Variants in PCDHA9 observed in about 807,000 individuals in gnomAD.
PCDHA9 encodes protocadherin alpha 9.
In PCDHA9, 62 loss-of-function variants were observed where a neutral mutation model predicts 62.0. That is an observed-to-expected ratio of 1.00 (90% CI 0.81 to 1.23). The LOEUF (loss-of-function observed/expected upper bound fraction) is 1.23. PCDHA9 is among the 50% of genes most tolerant of loss of function. The pLI is 0.00. For synonymous variants in PCDHA9, 557 were observed against 567.6 expected, an observed-to-expected ratio of 0.98 and a Z score of 0.27; for missense variants, 1,205 against 1,249.8, an observed-to-expected ratio of 0.96 and a Z score of 0.54.
chr5:140,980,229 T>C (rs2096881022), intron 2 of PCDHA9, among the ~76,000 whole-genome samples: 1 of 152,232 alleles, frequency 6.6e-6, no homozygotes, highest in South Asian at 2.1e-4. Flanking sequence ...TCTGAGCTGT[T>C]GGTGGAGACA....
chr5:141,007,349 G>C (rs532404832), intron 3 of PCDHA9, among the ~76,000 whole-genome samples: 204 of 144,744 alleles, frequency 1.4e-3, no homozygotes, highest in Middle Eastern at 0.011. Flanking sequence ...TCAGGAGTTC[G>C]AGACCAGCCT....
At chr5:140,946,976 G>A (rs2094064804) in intron 1 of PCDHA9, among the ~76,000 whole-genome samples, 1 of 151,532 alleles carries the variant, frequency 6.6e-6, no homozygotes, top group Admixed American at 6.6e-5. Context: ...ATAGAATAGA[G>A]GATTTTGAGT....
chr5:140,856,767 T>A, intron 1 of PCDHA9: 1 of 1,596,922 alleles, frequency 6.3e-7, no homozygotes, highest in Non-Finnish European at 8.6e-7. Context: ...AACGCCCCTA[T>A]CTTTGACAGA....
chr5:140,882,046 TACTTAC>T lies in PCDHA9; in HGVS notation c.2394+31166_2394+31171del, dbSNP rs2058922100. The T allele has an allele frequency of 1.6e-5, 12 of 728,060 alleles. No homozygotes were observed. In the South Asian group the frequency reaches 2.5e-4, roughly 15 times the overall value. 45.1% of individuals were successfully genotyped at this position (728,060 alleles called of 1,614,324 possible). ...AATGGAAAATATGAAGACTGAGTCA[TACTTAC>T]ACTTACACGTTCATGCGCATGGTGT... is the stretch of plus-strand genomic sequence containing the variant. On this transcript the variant is annotated intron_variant, in intron 1 of 3. Coordinates refer to ENST00000532602, the MANE Select transcript of PCDHA9 (RefSeq NM_031857.2).
At chr5:140,969,244 G>A (rs1345944804) in intron 1 of PCDHA9, 2 of 1,614,088 alleles carry the variant, frequency 1.2e-6, no homozygotes, top group Non-Finnish European at 1.7e-6. Flanking sequence ...AAGCAGCAGT[G>A]ACTGACAGCA....
intron 1 of PCDHA9, chr5:140,876,882 G>C: frequency 1.2e-6 from 2 of 1,614,140 alleles, no homozygotes; most frequent in Non-Finnish European, 1.7e-6. Context: ...ACAACCCGCC[G>C]GGCTGCCACA....
intron 1 of PCDHA9, chr5:140,969,102 T>C: frequency 1.2e-6 from 2 of 1,614,114 alleles, no homozygotes; most frequent in African/African-American, 1.3e-5. Flanking sequence ...CCTCACTTCA[T>C]TGAAGTTCGA....
chr5:140,875,356 G>A (rs2055432006), intron 1 of PCDHA9: 4 of 1,446,352 alleles, frequency 2.8e-6, no homozygotes, highest in East Asian at 2.5e-5. Context: ...TGACTGTGAT[G>A]CTGGAAAAAA....
intron 1 of PCDHA9, chr5:140,882,524 G>C (rs1340644606): frequency 9.9e-6 from 16 of 1,614,090 alleles, no homozygotes; most frequent in African/African-American, 2.7e-5. Context: ...CATTTTGTTT[G>C]TGAATTCTCG....
intron 1 of PCDHA9, among the ~76,000 whole-genome samples, chr5:140,953,068 C>A (rs1243228817): frequency 6.6e-6 from 1 of 152,198 alleles, no homozygotes; most frequent in East Asian, 1.9e-4. Context: ...CAGGCCCCAT[C>A]TCCAACATTG....
chr5:140,938,810 C>G (rs1182517488), intron 1 of PCDHA9, among the ~76,000 whole-genome samples: 1 of 152,030 alleles, frequency 6.6e-6, no homozygotes, highest in Non-Finnish European at 1.5e-5. Context: ...ACCACAAACC[C>G]CTGTGACATG....
At chr5:140,877,296 C>A (rs781799440) in intron 1 of PCDHA9, 2 of 1,613,942 alleles carry the variant, frequency 1.2e-6, no homozygotes, top group Non-Finnish European at 1.7e-6. Context: ...CTTGGCTGTC[C>A]TACGAGTTGC....
intron 3 of PCDHA9, 119 bp from the exon 4 acceptor site, chr5:141,009,508 C>T (rs923907688): frequency 6.7e-7 from 1 of 1,496,530 alleles, no homozygotes; most frequent in African/African-American, 1.4e-5. Flanking sequence ...GAACAAACAA[C>T]TCGTGATTTT....
intron 3 of PCDHA9, among the ~76,000 whole-genome samples, chr5:141,007,339 T>C (rs2098316015): frequency 6.9e-6 from 1 of 143,904 alleles, no homozygotes; most frequent in Non-Finnish European, 1.5e-5. Context: ...TTGCCTGAGC[T>C]CAGGAGTTCG....
intron 1 of PCDHA9, among the ~76,000 whole-genome samples, chr5:140,919,522 CT>C (rs1554199133): frequency 1.3e-5 from 2 of 152,000 alleles, no homozygotes; most frequent in Non-Finnish European, 2.9e-5. Flanking sequence ...TTTTAATTCT[CT>C]TTTTTTCCTA....
chr5:141,009,905 G>A lies in PCDHA9; in HGVS notation c.2821G>A (p.Gly941Arg), dbSNP rs781954349. The change falls in exon 4 of 4, where the codon GGG becomes AGG. Residue 941 changes from glycine (G) to arginine (R), a missense_variant. Physicochemically the swap from Gly to Arg is moderately radical, Grantham distance 125. Coordinates refer to ENST00000532602, the MANE Select transcript of PCDHA9 (RefSeq NM_031857.2). ...GNKTQEKKEK[G>R]NSTTDNSDQ Reference sequence around the variant, plus strand: ...CAAGACCCAGGAGAAAAAAGAGAAAGGGAACAGCACGACTGACAACAGTGA... The same window carrying A: ...CAAGACCCAGGAGAAAAAAGAGAAAAGGAACAGCACGACTGACAACAGTGA... 7.4e-6 allele frequency: 12 copies of A among 1,613,058 alleles called. No homozygotes were observed. Among genetic ancestry groups the A allele is most frequent in the Non-Finnish European group, 1.0e-5 (12 of 1,179,832 alleles).
chr5:141,009,449 A>T, intron 3 of PCDHA9, among the ~76,000 whole-genome samples, 178 bp from the exon 4 acceptor site: 1 of 152,184 alleles, frequency 6.6e-6, no homozygotes, highest in Non-Finnish European at 1.5e-5. Context: ...GTCTCAAAAA[A>T]ATTAAACAAA....
chr5:140,857,575 G>A (rs781888670), intron 1 of PCDHA9: 4 of 1,596,658 alleles, frequency 2.5e-6, no homozygotes, highest in East Asian at 4.5e-5. Context: ...ACGTGTCGGT[G>A]CACGCGGAGA....
At chr5:140,852,245 A>G (rs2042277804) in intron 1 of PCDHA9, 6 of 557,120 alleles carry the variant, frequency 1.1e-5, no homozygotes, top group Non-Finnish European at 1.4e-5. Flanking sequence ...CTTAAAACAC[A>G]CTTTTGGAAT....
Sources: gnomAD v4.1 joint callset for allele counts (sites outside exome capture counted in the v4.1 genomes callset) on GRCh38, gnomAD v4.1.1 for gene constraint, MANE v1.5 for transcripts, NCBI Gene and HGNC (gene_info 2026-07-23, HGNC 2026-07-21) for gene names.